Variants in PRKAB1 observed in about 807,000 individuals in gnomAD.
PRKAB1 encodes 5'-AMP-activated protein kinase subunit beta-1.
PRKAB1 carries 18 observed loss-of-function variants against 32.0 expected under a neutral mutation model. The observed-to-expected ratio is 0.56, with a 90% CI of 0.39 to 0.83. PRKAB1 has a LOEUF of 0.83. PRKAB1 is among the 40% of genes least tolerant of loss of function. The pLI is 0.00. For synonymous variants in PRKAB1, 141 were observed against 141.4 expected (o/e 1.00, Z 0.02); for missense variants, 263 against 352.6 (o/e 0.75, Z 2.03).
chr12:119,674,006 G>C lies in PRKAB1; in HGVS notation c.366G>C (p.Glu122Asp). ...CCATCCTGGATCTGCCGGAAGGAGA[G>C]CATCAGTACAAGTTCTTTGTGGATG... is the stretch of plus-strand genomic sequence containing the variant. Reference protein sequence around the residue: ...FVAILDLPEGEHQYKFFVDGQ... With the variant: ...FVAILDLPEGDHQYKFFVDGQ... Residue 122 changes from glutamate to aspartate, a missense_variant, in exon 3 of 7, where the codon GAG becomes GAC. Coordinates refer to ENST00000229328, the MANE Select transcript of PRKAB1 (RefSeq NM_006253.5). The surrounding 1 kb of genome is among the most constrained non-coding windows in gnomAD (Gnocchi z 4.3). 6.2e-7 allele frequency: 1 copy of C among 1,613,998 alleles called. No individual in the cohort carries two copies. The highest frequency in any genetic ancestry group is 8.5e-7 in the Non-Finnish European group (1 of 1,179,960).
chr12:119,680,161 G>A, intron 6 of PRKAB1, 87 bp from the exon 7 acceptor site: 2 of 1,511,284 alleles, frequency 1.3e-6, no homozygotes, highest in South Asian at 2.3e-5. Flanking sequence ...GGAATTTGTG[G>A]TTTTATGAAG....
intron 1 of PRKAB1, among the ~76,000 whole-genome samples, chr12:119,668,700 T>G (rs1309561505): frequency 6.6e-6 from 1 of 152,186 alleles, no homozygotes; most frequent in Non-Finnish European, 1.5e-5. Flanking sequence ...TAATTCAGAG[T>G]CGAGCTAACA....
chr12:119,673,347 T>C (rs1220359686), intron 2 of PRKAB1, among the ~76,000 whole-genome samples: 1 of 152,188 alleles, frequency 6.6e-6, no homozygotes, highest in Non-Finnish European at 1.5e-5. Flanking sequence ...GAGAACACCT[T>C]TAGTGAGTAT....
intron 6 of PRKAB1, 44 bp from the exon 7 acceptor site, chr12:119,680,204 A>T: frequency 4.4e-6 from 7 of 1,584,122 alleles, no homozygotes; most frequent in Non-Finnish European, 6.1e-6. Context: ...CTGAGGCTTG[A>T]GCCCCTTAGT....
In PRKAB1 at chr12:119,680,707, C is replaced by A; in HGVS notation, c.*382C>A. 1 of 205,888 alleles carries A rather than the reference C, an allele frequency of 4.9e-6. No homozygotes were observed. 12.8% of individuals were successfully genotyped at this position (205,888 alleles called of 1,614,324 possible). On this transcript the variant is annotated 3_prime_UTR_variant, in exon 7 of 7. Transcript: ENST00000229328. ...CCTTTGCCAGTAAAATTCTGGGAAA[C>A]AGGGACTGAGGCCACACATCATTTC...
intron 1 of PRKAB1, among the ~76,000 whole-genome samples, chr12:119,668,996 G>T (rs561713589): frequency 6.6e-6 from 1 of 151,736 alleles, no homozygotes; most frequent in Non-Finnish European, 1.5e-5. Context: ...GGGCGCCTGT[G>T]GTCCCAGCTA....
intron 1 of PRKAB1, chr12:119,669,856 T>G (rs1225883403): frequency 6.6e-6 from 1 of 152,200 alleles, no homozygotes; most frequent in Non-Finnish European, 1.5e-5. Flanking sequence ...ATTACAGGCA[T>G]GAGCCACCAC....
chr12:119,674,542 C>A lies in PRKAB1; in HGVS notation c.532+88C>A. 1 of 938,676 alleles carries A rather than the reference C, an allele frequency of 1.1e-6. No homozygotes were observed. Among genetic ancestry groups the A allele is most frequent in the Non-Finnish European group, 1.6e-6 (1 of 617,098 alleles). 58.1% of individuals were successfully genotyped at this position (938,676 alleles called of 1,614,324 possible). A position where few individuals can be genotyped will look rare whatever the true frequency, so the allele number is the denominator to read the frequency against. On this transcript the variant is annotated intron_variant, in intron 4 of 6. Coordinates refer to ENST00000229328, the MANE Select transcript of PRKAB1 (RefSeq NM_006253.5). The surrounding 1 kb of genome is among the most constrained non-coding windows in gnomAD (Gnocchi z 4.3). The stretch of plus-strand genomic sequence containing the variant: ...TCTTGTTTCTCTTGCCTCTCTTGAG[C>A]TGAAGCTGCCCAGTCAGATAGGCAT...
intron 1 of PRKAB1, among the ~76,000 whole-genome samples, chr12:119,671,834 CAT>C (rs1955390864): frequency 1.3e-5 from 2 of 152,146 alleles, no homozygotes; most frequent in South Asian, 2.1e-4. Flanking sequence ...TGTATCTAAA[CAT>C]AGAAAAGATA....
rs150630762 is a variant in PRKAB1, at chr12:119,681,384, G to C, written c.*1059G>C. On this transcript the variant is annotated 3_prime_UTR_variant, in exon 7 of 7. Transcript: ENST00000229328. ...TGGACCAAAGCAGACTTCTTTATACGCAGCTCAGTTTCCCGGGAGTCGCCA... is the reference window on the plus strand; with the variant it reads ...TGGACCAAAGCAGACTTCTTTATACCCAGCTCAGTTTCCCGGGAGTCGCCA... 1 of 152,348 alleles carries C rather than the reference G, an allele frequency of 6.6e-6. No homozygotes were observed. The highest frequency in any genetic ancestry group is 1.9e-4 in the East Asian group (1 of 5,174). 9.4% of individuals were successfully genotyped at this position (152,348 alleles called of 1,614,324 possible). A position where few individuals can be genotyped will look rare whatever the true frequency, so the allele number is the denominator to read the frequency against.
Position 119,680,268 on chromosome 12 carries a change from C to G in PRKAB1, c.756C>G (p.Ser252Arg). The G allele has an allele frequency of 6.2e-7, 1 of 1,614,042 alleles. No homozygotes were observed. The highest frequency in any genetic ancestry group is 8.5e-7 in the Non-Finnish European group (1 of 1,179,970). Residue 252 changes from serine (S) to arginine (R), a missense_variant, in exon 7 of 7, where the codon AGC becomes AGG. Coordinates refer to ENST00000229328, the MANE Select transcript of PRKAB1 (RefSeq NM_006253.5). ...LSIKDGVMVL[S>R]ATHRYKKKYV... ...CTTAGGATGGAGTGATGGTGCTCAG[C>G]GCAACCCACCGGTACAAGAAGAAGT...
Position 119,676,558 on chromosome 12 carries a change from G to A in PRKAB1, c.554G>A (p.Gly185Glu), listed in dbSNP as rs1466090595. 1 of 1,613,176 alleles carries A rather than the reference G, an allele frequency of 6.2e-7. No homozygotes were observed. The highest frequency in any genetic ancestry group is 2.2e-5 in the East Asian group (1 of 44,846). ...ACAGAGCTGTCCAGTTCTCCCCCAG[G>A]ACCCTACCATCAGGAGCCCTACGTC... Reference protein sequence around the residue: ...DVSELSSSPPGPYHQEPYVCK... With the variant: ...DVSELSSSPPEPYHQEPYVCK... Residue 185 changes from glycine to glutamate, a missense_variant, in exon 5 of 7, where the codon GGA (glycine) becomes GAA (glutamate). Transcript: ENST00000229328.
At position 119,671,796 on chromosome 12, in the gene PRKAB1, A is replaced by G. The variant is rs1955390645; in HGVS notation, c.160-505A>G. On this transcript the variant is annotated intron_variant, in intron 1 of 6. Transcript: ENST00000229328. Reference sequence around the variant, plus strand: ...GAATACTGTAGACACTTATTCCACAAGTATATTTAAGGATTTGTGTACTTA... The same window carrying G: ...GAATACTGTAGACACTTATTCCACAGGTATATTTAAGGATTTGTGTACTTA... 1.9e-5 allele frequency: 3 copies of G among 155,384 alleles called. No individual in the cohort carries two copies. In the Admixed American group the frequency reaches 1.9e-4, roughly 10 times the overall value. The allele number at this position is 155,384 out of a possible 1,614,324, so 9.6% of individuals were successfully genotyped here. A position where few individuals can be genotyped will look rare whatever the true frequency, so the allele number is the denominator to read the frequency against.
Position 119,674,986 on chromosome 12 carries a change from G to A in PRKAB1, c.532+532G>A, listed in dbSNP as rs1198120927. The stretch of plus-strand genomic sequence containing the variant: ...ACTCTCCTTGATGGGAAGCTATTTG[G>A]TACAGAAATACAGACCCAGTAAAAC... On this transcript the variant is annotated intron_variant, in intron 4 of 6. Coordinates refer to ENST00000229328, the MANE Select transcript of PRKAB1 (RefSeq NM_006253.5). This position sits in a 1 kb window ranked among gnomAD's most constrained non-coding sequence, Gnocchi z 4.3. 1.3e-5 allele frequency among the ~76,000 whole-genome samples: 2 copies of A among 152,228 alleles called. No homozygotes were observed. Among genetic ancestry groups the A allele is most frequent in the East Asian group, 3.8e-4 (2 of 5,204 alleles).
At chr12:119,671,484 C>G in intron 1 of PRKAB1, 1 of 373,794 alleles carries the variant, frequency 2.7e-6, no homozygotes, top group Non-Finnish European at 5.6e-6. Flanking sequence ...GTAAAAGGCA[C>G]CTCTTCACAG....
Position 119,680,446 on chromosome 12 carries a change from A to C in PRKAB1, c.*121A>C. On this transcript the variant is annotated 3_prime_UTR_variant, in exon 7 of 7. Coordinates refer to ENST00000229328, the MANE Select transcript of PRKAB1 (RefSeq NM_006253.5). ...TTTCACACTCTTCAGAAGACATTTC[A>C]TACCTGCCCTGGTCCTGCTTGAAGG... The C allele has an allele frequency of 1.9e-5, 19 of 1,025,882 alleles. No homozygotes were observed. The highest frequency in any genetic ancestry group is 5.2e-5 in the East Asian group (2 of 38,418). 63.5% of individuals were successfully genotyped at this position (1,025,882 alleles called of 1,614,324 possible). A position where few individuals can be genotyped will look rare whatever the true frequency, so the allele number is the denominator to read the frequency against.
Position 119,674,354 on chromosome 12 carries a change from C to A in PRKAB1, c.432C>A (p.Ser144Arg). 1 of 1,613,412 alleles carries A rather than the reference C, an allele frequency of 6.2e-7. No homozygotes were observed. The highest frequency in any genetic ancestry group is 8.5e-7 in the Non-Finnish European group (1 of 1,179,362). Residue 144 changes from serine (S) to arginine (R), a missense_variant, in exon 4 of 7, where the codon AGC becomes AGA. Coordinates refer to ENST00000229328, the MANE Select transcript of PRKAB1 (RefSeq NM_006253.5). The surrounding 1 kb of genome is among the most constrained non-coding windows in gnomAD (Gnocchi z 4.3). ...THDPSEPIVT[S>R]QLGTVNNIIQ... Reference sequence around the variant, plus strand: ...TCTCTTCCCAGCCCATAGTAACCAGCCAGCTTGGCACAGTTAACAACATCA... The same window carrying A: ...TCTCTTCCCAGCCCATAGTAACCAGACAGCTTGGCACAGTTAACAACATCA...
intron 1 of PRKAB1, 104 bp from the exon 2 acceptor site, chr12:119,672,197 C>G: frequency 8.1e-7 from 1 of 1,230,966 alleles, no homozygotes; most frequent in Non-Finnish European, 1.1e-6. Context: ...CGATCCTAAC[C>G]ATGAACCAAG....
rs1332216306 is a variant in PRKAB1, at chr12:119,676,462, T to A, written c.533-75T>A. ...GGAACAAGAGACAAGGAAAATGAGA[T>A]GATGACAACATAAGTAAGGCTGCTC... On this transcript the variant is annotated intron_variant, in intron 4 of 6. Coordinates refer to ENST00000229328, the MANE Select transcript of PRKAB1 (RefSeq NM_006253.5). 18 of 1,436,624 alleles carry A rather than the reference T, an allele frequency of 1.3e-5. 1 individual carries two copies. In the East Asian group the frequency reaches 3.7e-4, roughly 30 times the overall value. 89.0% of individuals were successfully genotyped at this position (1,436,624 alleles called of 1,614,324 possible).
Sources: gnomAD v4.1 joint callset for allele counts (sites outside exome capture counted in the v4.1 genomes callset) on GRCh38, gnomAD v4.1.1 for gene constraint, Gnocchi (gnomAD v3.1) non-coding constraint, MANE v1.5 for transcripts, NCBI Gene and HGNC (gene_info 2026-07-23, HGNC 2026-07-21) for gene names.